MAP4K4: variants seen among roughly 807,000 people sequenced by gnomAD.
MAP4K4 encodes HPK/GCK-like kinase HGK.
In MAP4K4, 38 loss-of-function variants were observed where a neutral mutation model predicts 189.6. The ratio of observed to expected loss-of-function variants is 0.20; its 90% CI spans 0.15 to 0.26. The LOEUF (loss-of-function observed/expected upper bound fraction) is 0.26, where lower values mean the gene tolerates loss of function less well. Among genes scored for constraint, MAP4K4 ranks in the 10% least tolerant of loss-of-function variants. MAP4K4 has a pLI of 1.00. For missense variants in MAP4K4, 1,054 were observed against 1,726.9 expected (o/e 0.61, Z 6.91); for synonymous variants, 610 against 624.3 (o/e 0.98, Z 0.34).
chr2:101,699,605 G>T (rs544196368), intron 2 of MAP4K4, among the ~76,000 whole-genome samples: 1 of 152,116 alleles, frequency 6.6e-6, no homozygotes. Context: ...GGTGGAGTTG[G>T]GGGGGTTGGA....
chr2:101,731,106 A>G (rs2058263206), intron 2 of MAP4K4, among the ~76,000 whole-genome samples: 1 of 151,380 alleles, frequency 6.6e-6, no homozygotes, highest in Non-Finnish European at 1.5e-5. Flanking sequence ...ACAGTAATTT[A>G]ATTTTTATTT....
intron 2 of MAP4K4, among the ~76,000 whole-genome samples, chr2:101,739,868 G>A (rs1035402716): frequency 6.6e-5 from 10 of 152,146 alleles, no homozygotes; most frequent in African/African-American, 2.4e-4. Flanking sequence ...ACCTATAAAT[G>A]AGACGGACTT....
rs377070533 is a variant in MAP4K4, at chr2:101,715,187, C to T, written c.123+16649C>T. Among the ~76,000 whole-genome samples the T allele has an allele frequency of 5.1e-4, 77 of 152,308 alleles. 2 individuals carry two copies. The East Asian group carries it at 0.012, about 23-fold the overall frequency. ...ATTTGCAAATGGCCACCTTCTTAGC[C>T]TTGCCTTTTGTGCACCCCTCCCTGG... On this transcript the variant is annotated intron_variant, in intron 2 of 32. Transcript: ENST00000324219.
At chr2:101,874,389 C>A in intron 26 of MAP4K4, 137 bp downstream of exon 26, 2 of 717,412 alleles carry the variant, frequency 2.8e-6, no homozygotes, top group Non-Finnish European at 4.6e-6. Context: ...CTGTTATATG[C>A]AGAGTGGTAT....
intron 2 of MAP4K4, among the ~76,000 whole-genome samples, chr2:101,727,110 C>A: frequency 6.6e-6 from 1 of 152,064 alleles, no homozygotes; most frequent in East Asian, 1.9e-4. Context: ...TCTTAAAGGC[C>A]CCACCTCAAT....
chr2:101,808,528 CT>C (rs1323716067), intron 3 of MAP4K4, among the ~76,000 whole-genome samples: 16 of 151,596 alleles, frequency 1.1e-4, no homozygotes, highest in Admixed American at 9.8e-4. Flanking sequence ...TGTATTCCCC[CT>C]GTTACACCAC....
intron 2 of MAP4K4, among the ~76,000 whole-genome samples, chr2:101,723,489 A>C (rs555760905): frequency 6.6e-6 from 1 of 152,230 alleles, no homozygotes; most frequent in South Asian, 2.1e-4. Context: ...ACCTCTGGAG[A>C]ACTGTGAGAG....
intron 3 of MAP4K4, among the ~76,000 whole-genome samples, chr2:101,812,854 G>A (rs1170879212): frequency 6.6e-6 from 1 of 152,154 alleles, no homozygotes; most frequent in Non-Finnish European, 1.5e-5. Context: ...TTGGCCAGGC[G>A]TGGTGGCTCA....
intron 2 of MAP4K4, among the ~76,000 whole-genome samples, chr2:101,767,902 C>G (rs950881094): frequency 2.0e-5 from 3 of 152,306 alleles, no homozygotes; most frequent in East Asian, 1.9e-4. Flanking sequence ...CCCCTCACCC[C>G]CCCTTACTTT....
intron 2 of MAP4K4, among the ~76,000 whole-genome samples, chr2:101,733,059 C>T (rs1197123655): frequency 6.6e-6 from 1 of 152,236 alleles, no homozygotes; most frequent in Non-Finnish European, 1.5e-5. Flanking sequence ...CAGGTGGCTT[C>T]CAGGTCTGTA....
rs529590276 is a variant in MAP4K4, at chr2:101,821,826, TAAA to T, written c.181-2098_181-2096del. ...TTTAGGTTCTTTTGTAATAACAGCT[TAAA>T]AAACTGCATAGCTGTACTAAAATAT... is the stretch of plus-strand genomic sequence containing the variant. On this transcript the variant is annotated intron_variant, in intron 3 of 32. Transcript: ENST00000324219. Among the ~76,000 whole-genome samples the T allele has an allele frequency of 1.3e-3, 193 of 152,366 alleles. 1 individual carries two copies. The highest frequency in any genetic ancestry group is 4.5e-3 in the African/African-American group (188 of 41,598).
At chr2:101,749,385 A>G (rs2067373854) in intron 2 of MAP4K4, among the ~76,000 whole-genome samples, 1 of 151,572 alleles carries the variant, frequency 6.6e-6, no homozygotes, top group African/African-American at 2.4e-5. Flanking sequence ...TCTTTGACAA[A>G]CCTGAGAAAA....
At chr2:101,758,800 TAAAATG>T (rs1370901130) in intron 2 of MAP4K4, among the ~76,000 whole-genome samples, 1 of 152,118 alleles carries the variant, frequency 6.6e-6, no homozygotes, top group East Asian at 1.9e-4. Flanking sequence ...TTCTTGGAGT[TAAAATG>T]AAAGTGATCT....
At chr2:101,831,899 C>T (rs760374556) in intron 7 of MAP4K4, 48 bp downstream of exon 7, 39 of 1,596,970 alleles carry the variant, frequency 2.4e-5, no homozygotes, top group South Asian at 2.4e-4. Context: ...CTGGCATACC[C>T]GAGGGATGGG....
chr2:101,822,482 T>C (rs2149317399), intron 3 of MAP4K4, among the ~76,000 whole-genome samples: 1 of 152,384 alleles, frequency 6.6e-6, no homozygotes, highest in Middle Eastern at 3.4e-3. Context: ...TGTCTTGTTA[T>C]ACATTTGTTT....
intron 2 of MAP4K4, among the ~76,000 whole-genome samples, chr2:101,718,321 C>T (rs1259843754): frequency 2.6e-5 from 4 of 151,978 alleles, no homozygotes; most frequent in Admixed American, 6.6e-5. Flanking sequence ...TGTACATTTC[C>T]TCACCTTAAT....
chr2:101,882,486 AT>A, intron 27 of MAP4K4, 64 bp from the exon 28 acceptor site: 1 of 1,274,028 alleles, frequency 7.8e-7, no homozygotes, highest in South Asian at 1.7e-5. Context: ...TTTGGTTACT[AT>A]TGTTATTAAT....
intron 2 of MAP4K4, among the ~76,000 whole-genome samples, chr2:101,719,472 TG>T (rs1398004100): frequency 6.6e-6 from 1 of 152,098 alleles, no homozygotes; most frequent in Non-Finnish European, 1.5e-5. Context: ...ACAACCATTT[TG>T]GTGTTTTGGA....
intron 2 of MAP4K4, among the ~76,000 whole-genome samples, chr2:101,765,311 A>G (rs989386120): frequency 6.6e-6 from 1 of 152,196 alleles, no homozygotes; most frequent in African/African-American, 2.4e-5. Context: ...GCATGTGATA[A>G]TGGCAAGATA....
Sources: allele counts gnomAD v4.1 joint callset (sites outside exome capture counted in the v4.1 genomes callset), GRCh38; gene constraint gnomAD v4.1.1; transcripts MANE v1.5; gene names NCBI Gene and HGNC (gene_info 2026-07-23, HGNC 2026-07-21).